The following VRK2 variants were observed in gnomAD, a reference collection of about 807,000 sequenced individuals.
The protein encoded by VRK2 is VRK serine/threonine kinase 2, also known as serine/threonine-protein kinase VRK2.
Under a neutral mutation model 57.6 loss-of-function variants are expected in VRK2, and 60 were observed. The ratio of observed to expected loss-of-function variants is 1.04; its 90% CI spans 0.85 to 1.29. The LOEUF is 1.29. Among genes scored for constraint, VRK2 ranks in the 50% most tolerant of loss-of-function variants. The pLI is 0.00. For missense variants in VRK2, 705 were observed against 588.1 expected, an observed-to-expected ratio of 1.20 and a Z score of -2.06; for synonymous variants, 231 against 199.2, an observed-to-expected ratio of 1.16 and a Z score of -1.35.
intron 1 of VRK2, among the ~76,000 whole-genome samples, chr2:57,966,872 C>T (rs553344935): frequency 3.5e-4 from 53 of 152,138 alleles, no homozygotes; most frequent in African/African-American, 1.2e-3. Flanking sequence ...GATTCATTCA[C>T]GAACCTTTTA....
intron 1 of VRK2, among the ~76,000 whole-genome samples, chr2:58,005,283 G>A (rs1673207756): frequency 6.6e-6 from 1 of 152,060 alleles, no homozygotes; most frequent in Admixed American, 6.6e-5. Context: ...TAAATAGATT[G>A]CTTTCTTCTA....
intron 12 of VRK2, among the ~76,000 whole-genome samples, chr2:58,151,773 T>C (rs13022951): frequency 7.8e-6 from 1 of 128,538 alleles, no homozygotes; most frequent in African/African-American, 2.9e-5. Context: ...TTTTTGGTGG[T>C]CACTCTAGAG....
At chr2:57,942,758 G>T (rs747428889) in intron 1 of VRK2, among the ~76,000 whole-genome samples, 6 of 152,108 alleles carry the variant, frequency 3.9e-5, no homozygotes, top group Admixed American at 2.6e-4. Context: ...TCAAATCAAA[G>T]GTTCAAATTT....
At chr2:58,130,861 T>A (rs555301166) in intron 8 of VRK2, among the ~76,000 whole-genome samples, 7 of 152,280 alleles carry the variant, frequency 4.6e-5, no homozygotes, top group African/African-American at 1.7e-4. Context: ...TTTACGGGTA[T>A]TTGCTGATGT....
intron 1 of VRK2, chr2:58,047,335 G>C (rs1365043249): frequency 2.7e-5 from 21 of 783,720 alleles, no homozygotes; most frequent in Non-Finnish European, 3.3e-5. Flanking sequence ...GTACCAGTTT[G>C]CTCGGAAACT....
chr2:58,115,205 G>C (rs1439050430), intron 7 of VRK2, among the ~76,000 whole-genome samples: 1 of 152,046 alleles, frequency 6.6e-6, no homozygotes, highest in Non-Finnish European at 1.5e-5. Flanking sequence ...TGAGGGACAG[G>C]AAAGAAGGAA....
At chr2:58,014,151 T>C (rs987505366) in intron 1 of VRK2, among the ~76,000 whole-genome samples, 15 of 152,144 alleles carry the variant, frequency 9.9e-5, no homozygotes, top group African/African-American at 3.6e-4. Flanking sequence ...AATTGATACA[T>C]GTATTAAAAA....
intron 6 of VRK2, among the ~76,000 whole-genome samples, chr2:58,089,360 A>G (rs758851003): frequency 6.6e-6 from 1 of 152,176 alleles, no homozygotes; most frequent in Non-Finnish European, 1.5e-5. Flanking sequence ...CTACTGGGCT[A>G]TCAGGAATTA....
intron 12 of VRK2, among the ~76,000 whole-genome samples, chr2:58,146,760 G>A (rs970786016): frequency 2.0e-5 from 3 of 150,178 alleles, no homozygotes; most frequent in Non-Finnish European, 4.5e-5. Flanking sequence ...GATCCATTAG[G>A]GACTCAATGT....
chr2:57,918,416 G>A (rs1186279715), intron 1 of VRK2, among the ~76,000 whole-genome samples: 1 of 151,882 alleles, frequency 6.6e-6, no homozygotes, highest in Non-Finnish European at 1.5e-5. Flanking sequence ...GAGTTACCCT[G>A]GCATATGGCT....
chr2:57,990,618 C>T (rs1409798492), intron 1 of VRK2, among the ~76,000 whole-genome samples: 1 of 152,110 alleles, frequency 6.6e-6, no homozygotes, highest in East Asian at 1.9e-4. Flanking sequence ...TCTAGTGTTA[C>T]AGTAGAGCTC....
intron 2 of VRK2, among the ~76,000 whole-genome samples, chr2:58,033,052 T>C (rs926006688): frequency 5.9e-5 from 9 of 152,062 alleles, no homozygotes; most frequent in East Asian, 3.9e-4. Flanking sequence ...CATATGAATT[T>C]TGGGGGGACA....
chr2:58,091,986 G>A (rs1672448325), intron 7 of VRK2, among the ~76,000 whole-genome samples: 1 of 152,172 alleles, frequency 6.6e-6, no homozygotes, highest in South Asian at 2.1e-4. Flanking sequence ...GTTAGTGGAA[G>A]GGAATTTGGC....
chr2:58,047,764 T>A (rs989124662), intron 1 of VRK2, among the ~76,000 whole-genome samples: 1 of 152,044 alleles, frequency 6.6e-6, no homozygotes, highest in African/African-American at 2.4e-5. Context: ...GGAAGGTGAA[T>A]ATTGTTAAAG....
In VRK2 at chr2:58,073,652, AT is replaced by A. The variant is rs1270839905; in HGVS notation, c.137-10434del. Reference sequence around the variant, plus strand: ...CTAATAGGATTATATATATATATATATTTATATTTATATTTATATTTATATT... The same window carrying A: ...CTAATAGGATTATATATATATATATATTATATTTATATTTATATTTATATT... On this transcript the variant is annotated intron_variant, in intron 2 of 12. Coordinates refer to ENST00000340157, the MANE Select transcript of VRK2 (RefSeq NM_006296.7). Among the ~76,000 whole-genome samples, 3 of 17,216 alleles carry A rather than the reference AT, an allele frequency of 1.7e-4. No homozygotes were observed. The East Asian group carries it at 5.0e-3, about 29-fold the overall frequency. The allele number at this position is 17,216 out of a possible 152,430, so 11.3% of individuals were successfully genotyped here. A position where few individuals can be genotyped will look rare whatever the true frequency, so the allele number is the denominator to read the frequency against.
At chr2:58,108,456 A>G (rs1429549400) in intron 7 of VRK2, among the ~76,000 whole-genome samples, 1 of 152,078 alleles carries the variant, frequency 6.6e-6, no homozygotes, top group East Asian at 1.9e-4. Context: ...ATTGTGCCCC[A>G]CCTTCTTAGC....
At chr2:57,967,496 T>C (rs1181123245) in intron 1 of VRK2, among the ~76,000 whole-genome samples, 1 of 151,936 alleles carries the variant, frequency 6.6e-6, no homozygotes, top group Admixed American at 6.6e-5. Flanking sequence ...TTAATCACAC[T>C]TGGGGGGAAA....
chr2:58,092,603 AGTGACT>A (rs1419761052), intron 7 of VRK2, among the ~76,000 whole-genome samples: 1 of 152,122 alleles, frequency 6.6e-6, no homozygotes, highest in Non-Finnish European at 1.5e-5. Flanking sequence ...TGTTTTCTGG[AGTGACT>A]GTACCATTAA....
At chr2:58,153,774 T>C (rs973610145) in intron 12 of VRK2, among the ~76,000 whole-genome samples, 6 of 152,084 alleles carry the variant, frequency 3.9e-5, no homozygotes, top group African/African-American at 1.2e-4. Flanking sequence ...AGAAAATGTA[T>C]AGAATTGATC....
Sources: gnomAD v4.1 joint callset for allele counts (sites outside exome capture counted in the v4.1 genomes callset) on GRCh38, gnomAD v4.1.1 for gene constraint, MANE v1.5 for transcripts, NCBI Gene and HGNC (gene_info 2026-07-23, HGNC 2026-07-21) for gene names.